The following EPHA5 variants were observed in gnomAD, a reference collection of about 807,000 sequenced individuals.
The protein encoded by EPHA5 is EPH receptor A5, also known as ephrin type-A receptor 5.
Under a neutral mutation model 105.0 loss-of-function variants are expected in EPHA5, and 60 were observed. The observed-to-expected ratio is 0.57, with a 90% confidence interval of 0.46 to 0.71. The LOEUF is 0.71. Among genes scored for constraint, EPHA5 ranks in the 30% least tolerant of loss-of-function variants. The pLI, the probability that EPHA5 is intolerant of heterozygous loss-of-function variation, is 0.00. For missense variants in EPHA5, 1,218 were observed against 1,274.7 expected (o/e 0.96, Z 0.68); for synonymous variants, 513 against 449.1 (o/e 1.14, Z -1.80).
At chr4:65,611,362 T>C (rs1445156495) in intron 2 of EPHA5, among the ~76,000 whole-genome samples, 1 of 152,112 alleles carries the variant, frequency 6.6e-6, no homozygotes, top group Non-Finnish European at 1.5e-5. Context: ...CTGTAAATTC[T>C]GTGGGGAAGC....
chr4:65,339,440 A>G (rs1721493271), intron 14 of EPHA5, among the ~76,000 whole-genome samples: 1 of 152,182 alleles, frequency 6.6e-6, no homozygotes, highest in African/African-American at 2.4e-5. Flanking sequence ...TATCATGGAT[A>G]CGTTCTGGAA....
At chr4:65,383,975 C>T (rs138455275) in intron 8 of EPHA5, among the ~76,000 whole-genome samples, 158 of 151,922 alleles carry the variant, frequency 1.0e-3, no homozygotes, top group African/African-American at 3.5e-3. Flanking sequence ...AAAAGAAAAT[C>T]TTGCATGTGT....
At chr4:65,377,124 T>C in intron 8 of EPHA5, 1 of 1,478,990 alleles carries the variant, frequency 6.8e-7, no homozygotes, top group African/African-American at 1.4e-5. Flanking sequence ...AAATATAGCA[T>C]AAAGACACTA....
rs1369011617 is a variant in EPHA5, at chr4:65,574,711, T to TATATATAC, written c.910+26929_910+26930insGTATATAT. Among the ~76,000 whole-genome samples, 219 of 87,398 alleles carry TATATATAC rather than the reference T, an allele frequency of 2.5e-3. 1 individual carries two copies. Among genetic ancestry groups the TATATATAC allele is most frequent in the Non-Finnish European group, 4.3e-3 (177 of 41,350 alleles). The allele number at this position is 87,398 out of a possible 152,430, so 57.3% of individuals were successfully genotyped here. ...ATACATATATATACATATATATACATATATATATACATATATATACATATA... is the reference window on the plus strand; with the variant it reads ...ATACATATATATACATATATATACATATATATACATATATATACATATATATACATATA... On this transcript the variant is annotated intron_variant, in intron 3 of 16. Transcript: ENST00000613740.
chr4:65,345,610 C>G (rs1722140088), intron 14 of EPHA5, among the ~76,000 whole-genome samples: 1 of 152,208 alleles, frequency 6.6e-6, no homozygotes, highest in Non-Finnish European at 1.5e-5. Flanking sequence ...CGGAGGACAT[C>G]CTCCTCCTCT....
intron 1 of EPHA5, among the ~76,000 whole-genome samples, chr4:65,660,345 G>C (rs1212686771): frequency 3.9e-5 from 6 of 152,046 alleles, no homozygotes; most frequent in Non-Finnish European, 7.4e-5. Flanking sequence ...AATGTCATGT[G>C]GTTGGTTTTC....
At chr4:65,362,122 G>A (rs1717389794) in intron 11 of EPHA5, among the ~76,000 whole-genome samples, 1 of 151,458 alleles carries the variant, frequency 6.6e-6, no homozygotes, top group Non-Finnish European at 1.5e-5. Context: ...TATTTATGAT[G>A]GTTGCTGTTT....
chr4:65,472,047 A>G (rs1729338405), intron 5 of EPHA5, among the ~76,000 whole-genome samples: 1 of 152,198 alleles, frequency 6.6e-6, no homozygotes, highest in Non-Finnish European at 1.5e-5. Context: ...AGGAGGCTGT[A>G]AAATCAAAAG....
chr4:65,510,752 A>G (rs1733541464), intron 3 of EPHA5, among the ~76,000 whole-genome samples: 1 of 152,054 alleles, frequency 6.6e-6, no homozygotes, highest in African/African-American at 2.4e-5. Context: ...ATATCTCACA[A>G]TCACTGTAGA....
chr4:65,351,697 G>T, intron 12 of EPHA5, 99 bp from the exon 13 acceptor site: 2 of 1,029,722 alleles, frequency 1.9e-6, no homozygotes, highest in Non-Finnish European at 2.9e-6. Flanking sequence ...ACTATCAGTC[G>T]CTAAAATTCA....
intron 11 of EPHA5, among the ~76,000 whole-genome samples, chr4:65,353,518 A>T (rs1723025309): frequency 6.6e-6 from 1 of 151,148 alleles, no homozygotes; most frequent in African/African-American, 2.4e-5. Context: ...ACACACACAC[A>T]CACACACACA....
intron 3 of EPHA5, among the ~76,000 whole-genome samples, chr4:65,504,292 T>C (rs1242721007): frequency 6.6e-6 from 1 of 150,996 alleles, no homozygotes; most frequent in African/African-American, 2.4e-5. Context: ...TGTCACTCCC[T>C]GTTTTATTTT....
chr4:65,602,359 G>A, intron 2 of EPHA5, 55 bp from the exon 3 acceptor site: 10 of 1,371,434 alleles, frequency 7.3e-6, no homozygotes, highest in Non-Finnish European at 9.7e-6. Context: ...AAAATAACAA[G>A]GAACTATAGC....
chr4:65,557,471 CAT>C (rs1050499392), intron 3 of EPHA5, among the ~76,000 whole-genome samples: 22 of 151,620 alleles, frequency 1.5e-4, no homozygotes, highest in Non-Finnish European at 2.6e-4. Flanking sequence ...TATAGGGTAT[CAT>C]GTGAAAATCT....
rs73822167 is a variant in EPHA5 at position 65,469,757 on chromosome 4, A to G, written c.1402+20620T>C. On this transcript the variant is annotated intron_variant, in intron 5 of 16. Coordinates refer to ENST00000613740, the MANE Select transcript of EPHA5 (RefSeq NM_001281766.3). The stretch of plus-strand genomic sequence containing the variant: ...AGGACAATTTGGCATGTTGTAATAC[A>G]TTTTTTGCTATAATCATCATCATTA... Among the ~76,000 whole-genome samples the G allele has an allele frequency of 8.4e-3, 1,275 of 152,312 alleles. 17 individuals are homozygous for G. Among genetic ancestry groups the G allele is most frequent in the African/African-American group, 0.029 (1,202 of 41,590 alleles).
chr4:65,365,473 T>C (rs1434973506), intron 10 of EPHA5, among the ~76,000 whole-genome samples: 2 of 150,740 alleles, frequency 1.3e-5, no homozygotes, highest in African/African-American at 4.8e-5. Flanking sequence ...AAAAACCTTT[T>C]AAAAAAGAAT....
intron 2 of EPHA5, among the ~76,000 whole-genome samples, chr4:65,626,288 T>A (rs1461718508): frequency 6.6e-6 from 1 of 152,238 alleles, no homozygotes; most frequent in South Asian, 2.1e-4. Context: ...CAAAAAATAC[T>A]TTTGAACTTT....
At chr4:65,399,547 G>A (rs1448576865) in intron 8 of EPHA5, among the ~76,000 whole-genome samples, 1 of 152,128 alleles carries the variant, frequency 6.6e-6, no homozygotes, top group Non-Finnish European at 1.5e-5. Context: ...CATACATAAG[G>A]CCAAGCAGCA....
chr4:65,377,147 G>A (rs2148920735), intron 8 of EPHA5: 1 of 1,283,622 alleles, frequency 7.8e-7, no homozygotes, highest in Non-Finnish European at 1.0e-6. Context: ...AATTTACTCA[G>A]GTGTCTGCTT....
Sources: allele counts gnomAD v4.1 joint callset (sites outside exome capture counted in the v4.1 genomes callset), GRCh38; gene constraint gnomAD v4.1.1; transcripts MANE v1.5; gene names NCBI Gene and HGNC (gene_info 2026-07-23, HGNC 2026-07-21).